Variants in GABRA5 observed in about 807,000 individuals in gnomAD.
The protein encoded by GABRA5 is gamma-aminobutyric acid receptor subunit alpha-5.
A neutral mutation model predicts 47.3 loss-of-function variants in GABRA5; 18 were observed. The observed-to-expected ratio is 0.38, with a 90% CI of 0.26 to 0.56. The LOEUF is 0.56. GABRA5 is among the 20% of genes least tolerant of loss of function. The pLI, the probability that GABRA5 is intolerant of heterozygous loss-of-function variation, is 0.71. For synonymous variants in GABRA5, 237 were observed against 229.3 expected, an observed-to-expected ratio of 1.03 and a Z score of -0.30; for missense variants, 365 against 599.3, an observed-to-expected ratio of 0.61 and a Z score of 4.08.
At chr15:26,906,734 C>A (rs1893453656) in intron 6 of GABRA5, among the ~76,000 whole-genome samples, 1 of 152,166 alleles carries the variant, frequency 6.6e-6, no homozygotes. Flanking sequence ...TATTTTCCTA[C>A]ATTTGATCTG....
At chr15:26,937,651 T>C (rs11630089) in intron 8 of GABRA5, among the ~76,000 whole-genome samples, 25,124 of 152,150 alleles carry the variant, frequency 0.17, 2,736 homozygotes, top group East Asian at 0.47. Context: ...GTTACCTGCT[T>C]CCCCACCTCC....
chr15:26,930,016 T>G (rs572994116), intron 7 of GABRA5, among the ~76,000 whole-genome samples: 24,967 of 125,596 alleles, frequency 0.2, 1,624 homozygotes, highest in Non-Finnish European at 0.21. Flanking sequence ...CTTTTTTTTT[T>G]TTTTTTGTTT....
intron 6 of GABRA5, among the ~76,000 whole-genome samples, chr15:26,895,240 C>G (rs935019745): frequency 6.6e-6 from 1 of 151,882 alleles, no homozygotes; most frequent in African/African-American, 2.4e-5. Context: ...ACAGCTGGTT[C>G]CTTGTTACCA....
At chr15:26,926,764 G>GT in intron 7 of GABRA5, among the ~76,000 whole-genome samples, 1 of 152,236 alleles carries the variant, frequency 6.6e-6, no homozygotes, top group African/African-American at 2.4e-5. Flanking sequence ...AAAGATGATT[G>GT]TTTTTTTGAT....
intron 6 of GABRA5, among the ~76,000 whole-genome samples, chr15:26,906,807 T>G (rs1365483287): frequency 6.6e-6 from 1 of 152,198 alleles, no homozygotes; most frequent in African/African-American, 2.4e-5. Context: ...ATAATTCCAT[T>G]TCACGTCAAT....
chr15:26,882,436 G>A (rs902239452), intron 4 of GABRA5, among the ~76,000 whole-genome samples: 1 of 152,186 alleles, frequency 6.6e-6, no homozygotes, highest in Non-Finnish European at 1.5e-5. Flanking sequence ...AAGTTACCCG[G>A]TGTGGGCTGC....
chr15:26,870,963 G>C (rs542724395), intron 3 of GABRA5, among the ~76,000 whole-genome samples: 1 of 152,298 alleles, frequency 6.6e-6, no homozygotes, highest in South Asian at 2.1e-4. Context: ...AGGCCAAGCG[G>C]GGGGCGGATC....
At chr15:26,920,804 T>C (rs1014262940) in intron 7 of GABRA5, among the ~76,000 whole-genome samples, 1 of 152,180 alleles carries the variant, frequency 6.6e-6, no homozygotes, top group Non-Finnish European at 1.5e-5. Context: ...ACTTTCTTTA[T>C]TCTAAGCAGC....
At chr15:26,912,746 G>T (rs1893627920) in intron 6 of GABRA5, among the ~76,000 whole-genome samples, 1 of 152,160 alleles carries the variant, frequency 6.6e-6, no homozygotes. Context: ...AAACAAGACT[G>T]ACTTTTATAT....
intron 7 of GABRA5, among the ~76,000 whole-genome samples, chr15:26,928,771 C>T (rs919317355): frequency 3.9e-5 from 6 of 152,180 alleles, no homozygotes; most frequent in African/African-American, 1.4e-4. Context: ...AAACTTATTT[C>T]TCACAGTTCT....
At chr15:26,927,415 C>T (rs1171297223) in intron 7 of GABRA5, among the ~76,000 whole-genome samples, 1 of 152,032 alleles carries the variant, frequency 6.6e-6, no homozygotes, top group Non-Finnish European at 1.5e-5. Flanking sequence ...CCCGGCATAT[C>T]TGCCTGCTAT....
At chr15:26,943,067 G>A in intron 9 of GABRA5, 148 bp from the exon 10 acceptor site, 1 of 638,988 alleles carries the variant, frequency 1.6e-6, no homozygotes, top group Non-Finnish European at 2.6e-6. Context: ...CTGGGCGACA[G>A]AGCAAGACTC....
chr15:26,877,354 A>G (rs1310953430), intron 3 of GABRA5, among the ~76,000 whole-genome samples: 2 of 152,190 alleles, frequency 1.3e-5, no homozygotes, highest in Non-Finnish European at 2.9e-5. Flanking sequence ...GGAAAACATC[A>G]CACAATGGTG....
chr15:26,887,324 C>T (rs530596063), intron 6 of GABRA5, among the ~76,000 whole-genome samples: 3 of 151,922 alleles, frequency 2.0e-5, no homozygotes, highest in African/African-American at 7.2e-5. Context: ...TTCCATGATG[C>T]CTTTTATTTA....
chr15:26,913,042 GGT>G (rs1276467117), intron 6 of GABRA5, among the ~76,000 whole-genome samples: 2 of 152,110 alleles, frequency 1.3e-5, no homozygotes, highest in Non-Finnish European at 2.9e-5. Flanking sequence ...AAATTAGCCA[GGT>G]GTGGTGTCAG....
chr15:26,922,474 G>A (rs931322500), intron 7 of GABRA5, among the ~76,000 whole-genome samples: 1 of 152,034 alleles, frequency 6.6e-6, no homozygotes, highest in African/African-American at 2.4e-5. Flanking sequence ...TAAAAAGTGA[G>A]TTTCTTATAA....
chr15:26,869,131 C>T, intron 2 of GABRA5, 44 bp from the exon 3 acceptor site: 1 of 701,180 alleles, frequency 1.4e-6, no homozygotes, highest in East Asian at 2.5e-5. Flanking sequence ...TGTGACACAA[C>T]AGCATTGATG....
intron 6 of GABRA5, among the ~76,000 whole-genome samples, chr15:26,902,590 G>A (rs988140387): frequency 1.3e-5 from 2 of 151,918 alleles, no homozygotes; most frequent in Non-Finnish European, 2.9e-5. Context: ...GTGCTCAAGC[G>A]CAATTTTGTT....
chr15:26,895,799 A>C (rs1168936973), intron 6 of GABRA5, among the ~76,000 whole-genome samples: 1 of 124,410 alleles, frequency 8.0e-6, no homozygotes, highest in Non-Finnish European at 1.7e-5. Context: ...TGGGCGACAG[A>C]GCAAGACTCC....
Sources: gnomAD v4.1 joint callset for allele counts (sites outside exome capture counted in the v4.1 genomes callset) on GRCh38, gnomAD v4.1.1 for gene constraint, MANE v1.5 for transcripts, NCBI Gene and HGNC (gene_info 2026-07-23, HGNC 2026-07-21) for gene names.